The following CTNNA2 variants were observed in gnomAD, a reference collection of about 807,000 sequenced individuals.
CTNNA2 encodes catenin alpha-2.
In CTNNA2, 42 loss-of-function variants were observed where a neutral mutation model predicts 101.0. That is an observed-to-expected ratio of 0.42 (90% CI 0.32 to 0.54). The LOEUF (loss-of-function observed/expected upper bound fraction) is 0.54, where lower values mean the gene tolerates loss of function less well. Ranked by LOEUF, CTNNA2 falls within the 20% of genes least tolerant of loss-of-function variation. The probability of loss-of-function intolerance (pLI) is 0.14; values close to 1 mark genes in which losing one functional copy is unlikely to be tolerated. For synonymous variants in CTNNA2, 450 were observed against 456.4 expected (o/e 0.99, Z 0.18); for missense variants, 871 against 1,223.1 (o/e 0.71, Z 4.29).
intron 3 of CTNNA2, among the ~76,000 whole-genome samples, chr2:79,812,201 TTC>T (rs1677096462): frequency 6.6e-6 from 1 of 152,308 alleles, no homozygotes; most frequent in East Asian, 1.9e-4. Context: ...GCAGTTTTAT[TTC>T]TGTTTTTTCA....
intron 9 of CTNNA2, among the ~76,000 whole-genome samples, chr2:80,436,605 G>T (rs1372898356): frequency 6.6e-6 from 1 of 152,044 alleles, no homozygotes; most frequent in Admixed American, 6.5e-5. Flanking sequence ...CTTAGACTGG[G>T]CAATTTATAA....
chr2:79,736,934 G>C (rs750719652), intron 2 of CTNNA2, among the ~76,000 whole-genome samples: 17 of 152,046 alleles, frequency 1.1e-4, no homozygotes, highest in Non-Finnish European at 1.8e-4. Flanking sequence ...CAAGTTCCTC[G>C]TGCCTCCATA....
rs535983861 is a variant in CTNNA2 at position 79,545,366 on chromosome 2, CTGT to C, written c.-6+32160_-6+32162del. ...GAGGACCTAGGTTACAAAATGGAAG[CTGT>C]ACATTGAGGATGCCACAGTAATACA... On this transcript the variant is annotated intron_variant, in intron 1 of 18. Coordinates refer to ENST00000402739, the MANE Select transcript of CTNNA2 (RefSeq NM_001282597.3). Among the ~76,000 whole-genome samples, 68 of 152,298 alleles carry C rather than the reference CTGT, an allele frequency of 4.5e-4. No homozygotes were observed. In the South Asian group the frequency reaches 0.011, roughly 25 times the overall value.
At chr2:80,341,219 G>A (rs914996554) in intron 7 of CTNNA2, among the ~76,000 whole-genome samples, 5 of 152,094 alleles carry the variant, frequency 3.3e-5, no homozygotes, top group African/African-American at 1.2e-4. Flanking sequence ...GGCCACCCAA[G>A]CTCCAGCTCC....
chr2:80,598,482 A>G (rs907702272), intron 15 of CTNNA2, among the ~76,000 whole-genome samples: 5 of 152,146 alleles, frequency 3.3e-5, no homozygotes, highest in African/African-American at 9.7e-5. Context: ...AAGAATCTCA[A>G]AAAACTAAAA....
At chr2:79,519,335 G>C (rs967049730) in intron 1 of CTNNA2, among the ~76,000 whole-genome samples, 6 of 150,788 alleles carry the variant, frequency 4.0e-5, no homozygotes, top group Admixed American at 1.3e-4. Flanking sequence ...ATATTACCTA[G>C]CATGAATTCA....
intron 7 of CTNNA2, among the ~76,000 whole-genome samples, chr2:79,938,816 A>G (rs1574361068): frequency 2.6e-5 from 4 of 152,184 alleles, no homozygotes; most frequent in Admixed American, 2.6e-4. Flanking sequence ...CAGAATTCAG[A>G]GATCAGATAA....
At chr2:80,050,045 C>T (rs956425033) in intron 7 of CTNNA2, among the ~76,000 whole-genome samples, 17 of 152,132 alleles carry the variant, frequency 1.1e-4, no homozygotes, top group African/African-American at 3.1e-4. Flanking sequence ...CCCCAACACA[C>T]TAAGATAGAG....
At chr2:79,986,135 A>T (rs1170197952) in intron 7 of CTNNA2, among the ~76,000 whole-genome samples, 1 of 152,194 alleles carries the variant, frequency 6.6e-6, no homozygotes, top group African/African-American at 2.4e-5. Context: ...ACCACGGGAG[A>T]TGTTGGTAAA....
chr2:79,360,774 A>G (rs1292443275), intron 3 of CTNNA2, among the ~76,000 whole-genome samples: 3 of 152,198 alleles, frequency 2.0e-5, no homozygotes, highest in Non-Finnish European at 4.4e-5. Flanking sequence ...CTAGTTGTCC[A>G]ATCATAGCAA....
chr2:79,935,671 G>C (rs1029436087), intron 7 of CTNNA2, among the ~76,000 whole-genome samples: 1 of 152,198 alleles, frequency 6.6e-6, no homozygotes, highest in African/African-American at 2.4e-5. Flanking sequence ...CTATACATGA[G>C]ATGAATGCAT....
intron 2 of CTNNA2, among the ~76,000 whole-genome samples, chr2:79,295,607 T>C (rs1448998397): frequency 6.6e-6 from 1 of 151,990 alleles, no homozygotes; most frequent in Non-Finnish European, 1.5e-5. Context: ...CCTGCCCATA[T>C]GTTGCAATGA....
At chr2:79,274,255 G>A (rs1392921659) in intron 2 of CTNNA2, among the ~76,000 whole-genome samples, 1 of 152,056 alleles carries the variant, frequency 6.6e-6, no homozygotes, top group South Asian at 2.1e-4. Flanking sequence ...CAGGCCAGGA[G>A]AGACTTGTGA....
At chr2:80,384,380 A>G (rs1054290540) in intron 7 of CTNNA2, among the ~76,000 whole-genome samples, 7 of 151,970 alleles carry the variant, frequency 4.6e-5, no homozygotes, top group Admixed American at 2.0e-4. Context: ...GAGTTTACCT[A>G]TATAAGAAAC....
At chr2:79,841,019 T>G (rs1410318830) in intron 3 of CTNNA2, among the ~76,000 whole-genome samples, 5 of 152,046 alleles carry the variant, frequency 3.3e-5, no homozygotes, top group Non-Finnish European at 7.4e-5. Context: ...TCCGCCCGCC[T>G]CGGCCTTCCA....
chr2:79,224,490 C>G (rs1400006315), intron 2 of CTNNA2, among the ~76,000 whole-genome samples: 1 of 152,082 alleles, frequency 6.6e-6, no homozygotes, highest in Non-Finnish European at 1.5e-5. Flanking sequence ...ATCCATCAAC[C>G]CATCTTAGTT....
At chr2:80,116,902 AGTGTGTGTGT>A (rs112383959) in intron 7 of CTNNA2, among the ~76,000 whole-genome samples, 17 of 143,624 alleles carry the variant, frequency 1.2e-4, no homozygotes, top group South Asian at 9.3e-4. Flanking sequence ...AGAAGAAAAT[AGTGTGTGTGT>A]GTGTGTGTGT....
chr2:79,649,455 A>G (rs1681061009), intron 1 of CTNNA2: 1 of 154,876 alleles, frequency 6.5e-6, no homozygotes, highest in South Asian at 2.0e-4. Flanking sequence ...AGAAACTTGC[A>G]ACAGCTGTAT....
intron 1 of CTNNA2, among the ~76,000 whole-genome samples, chr2:79,594,832 A>T (rs959447930): frequency 4.6e-5 from 7 of 152,206 alleles, no homozygotes; most frequent in African/African-American, 1.7e-4. Context: ...TAAAAATTAT[A>T]TCATCATTAT....
Sources: gnomAD v4.1 joint callset for allele counts (sites outside exome capture counted in the v4.1 genomes callset) on GRCh38, gnomAD v4.1.1 for gene constraint, MANE v1.5 for transcripts, NCBI Gene and HGNC (gene_info 2026-07-23, HGNC 2026-07-21) for gene names.